The following DNAJC6 variants were observed in gnomAD, a reference collection of about 807,000 sequenced individuals.
DNAJC6 encodes the protein auxilin.
A neutral mutation model predicts 110.0 loss-of-function variants in DNAJC6; 34 were observed. The observed-to-expected ratio is 0.31, with a 90% confidence interval of 0.24 to 0.41. DNAJC6 has a LOEUF of 0.41. Ranked by LOEUF, DNAJC6 falls within the 10% of genes least tolerant of loss-of-function variation. The probability of loss-of-function intolerance (pLI) is 1.00; values close to 1 mark genes in which losing one functional copy is unlikely to be tolerated. For synonymous variants in DNAJC6, 406 were observed against 437.2 expected, an observed-to-expected ratio of 0.93 and a Z score of 0.89; for missense variants, 1,031 against 1,207.8, an observed-to-expected ratio of 0.85 and a Z score of 2.17.
intron 1 of DNAJC6, among the ~76,000 whole-genome samples, chr1:65,319,018 C>T (rs1021136253): frequency 2.6e-5 from 4 of 152,122 alleles, no homozygotes; most frequent in South Asian, 4.1e-4. Flanking sequence ...TGAGAAACAA[C>T]GAAGGCCCTA....
At position 65,365,906 on chromosome 1, in the gene DNAJC6, C is replaced by T. The variant is rs371584131; in HGVS notation, c.366C>T (p.Asp122=). 1 of 1,613,414 alleles carries T rather than the reference C, an allele frequency of 6.2e-7. No individual in the cohort carries two copies. The highest frequency in any genetic ancestry group is 1.3e-5 in the African/African-American group (1 of 74,880). Residue 122 remains aspartate (D), a synonymous_variant, in exon 3 of 19, where the codon GAC becomes GAT. Coordinates refer to ENST00000371069, the MANE Select transcript of DNAJC6 (RefSeq NM_001256864.2). ...SVTSYTKGDL[D]FTYVTSRIIV... Reference sequence around the variant, plus strand: ...TTAGCTACACAAAGGGAGATTTAGACTTCACTTATGTTACCTCCAGAATTA... The same window carrying T: ...TTAGCTACACAAAGGGAGATTTAGATTTCACTTATGTTACCTCCAGAATTA...
intron 1 of DNAJC6, among the ~76,000 whole-genome samples, chr1:65,358,808 AAC>A (rs1570322403): frequency 2.0e-5 from 3 of 152,298 alleles, no homozygotes; most frequent in East Asian, 3.9e-4. Context: ...TGCCATGGTA[AAC>A]ACTATCTTGA....
At chr1:65,375,318 G>A (rs1008076666) in intron 4 of DNAJC6, among the ~76,000 whole-genome samples, 2 of 151,818 alleles carry the variant, frequency 1.3e-5, no homozygotes, top group Non-Finnish European at 2.9e-5. Context: ...TACTTTTTCA[G>A]CATCTATTGA....
rs184362330 is a variant in DNAJC6 at position 65,357,984 on chromosome 1, G to A, written c.194-6651G>A. ...ACTTTAGGTCAGGACTTCAAGACCA[G>A]CCTCACCAACATGGCGAAACCCCAT... On this transcript the variant is annotated intron_variant, in intron 1 of 18. Coordinates refer to ENST00000371069, the MANE Select transcript of DNAJC6 (RefSeq NM_001256864.2). Among the ~76,000 whole-genome samples the A allele has an allele frequency of 1.6e-3, 242 of 152,076 alleles. 1 individual carries two copies. The highest frequency in any genetic ancestry group is 5.7e-3 in the African/African-American group (236 of 41,514).
intron 7 of DNAJC6, 142 bp downstream of exon 7, chr1:65,386,048 A>G (rs967058232): frequency 1.5e-5 from 13 of 892,432 alleles, no homozygotes; most frequent in Middle Eastern, 3.4e-4. Context: ...CATCAGTGGT[A>G]ATCATAGAAA....
chr1:65,305,251 A>G (rs1057060049), upstream of DNAJC6, among the ~76,000 whole-genome samples: 1 of 152,246 alleles, frequency 6.6e-6, no homozygotes, highest in Non-Finnish European at 1.5e-5. Context: ...AGTGTATAGG[A>G]CATTCATAAT....
rs1345172425 is a variant in DNAJC6 at position 65,412,984 on chromosome 1, T to C, written c.2872T>C (p.Trp958Arg). ...GATTTTCATGGAGCTCAATGATGCC[T>C]GGTCTGAATTTGAAAACCAAGGCCA... ...KMIFMELNDA[W>R]SEFENQGQKP... The change falls in exon 19 of 19, where the codon TGG (tryptophan) becomes CGG (arginine). Residue 958 changes from tryptophan to arginine, a missense_variant. By Grantham distance (101) the Trp-to-Arg change is moderately radical. Transcript: ENST00000371069. 9 of 1,614,160 alleles carry C rather than the reference T, an allele frequency of 5.6e-6. No homozygotes were observed. Among genetic ancestry groups the C allele is most frequent in the Non-Finnish European group, 7.6e-6 (9 of 1,180,012 alleles).
rs767759968 is a variant in DNAJC6, at chr1:65,392,763, G to T, written c.1801G>T (p.Val601Leu). The T allele has an allele frequency of 6.2e-7, 1 of 1,612,150 alleles. No homozygotes were observed. Among genetic ancestry groups the T allele is most frequent in the South Asian group, 1.1e-5 (1 of 90,694 alleles). ...AGPTQAGQSG[V>L]EDVFHPSGPA... Reference sequence around the variant, plus strand: ...TCCCACCCAGGCTGGACAGTCAGGAGTGGAAGATGTGTTTCATCCTAGTGG... The same window carrying T: ...TCCCACCCAGGCTGGACAGTCAGGATTGGAAGATGTGTTTCATCCTAGTGG... Residue 601 changes from valine (V) to leucine (L), a missense_variant, in exon 12 of 19, where the codon GTG becomes TTG. Transcript: ENST00000371069.
In DNAJC6 at chr1:65,392,503, A is replaced by G. The variant is rs761459753; in HGVS notation, c.1541A>G (p.Asp514Gly). The change falls in exon 12 of 19, where the codon GAT becomes GGT. Residue 514 changes from aspartate (D) to glycine (G), a missense_variant. Transcript: ENST00000371069. ...GTGAATCAGGAAAGTGAGCAATCAG[A>G]TGATGAACTTCTGACACTTTCCAGT... is the stretch of plus-strand genomic sequence containing the variant. Reference protein sequence around the residue: ...ALVNQESEQSDDELLTLSSPH... With the variant: ...ALVNQESEQSGDELLTLSSPH... 8 of 1,613,924 alleles carry G rather than the reference A, an allele frequency of 5.0e-6. No individual in the cohort carries two copies. Among genetic ancestry groups the G allele is most frequent in the East Asian group, 2.2e-5 (1 of 44,892 alleles).
At chr1:65,375,340 A>G (rs971686586) in intron 4 of DNAJC6, among the ~76,000 whole-genome samples, 2 of 151,208 alleles carry the variant, frequency 1.3e-5, no homozygotes, top group African/African-American at 2.4e-5. Flanking sequence ...ATAATCACGT[A>G]TTTTTTGTTC....
intron 13 of DNAJC6, among the ~76,000 whole-genome samples, chr1:65,397,761 G>GGTTACTGTGT: frequency 6.6e-6 from 1 of 151,976 alleles, no homozygotes; most frequent in Non-Finnish European, 1.5e-5. Context: ...AAAATAGAAG[G>GGTTACTGTGT]GATAAATAGA....
rs145824790 is a variant in DNAJC6 at position 65,336,500 on chromosome 1, G to A, written c.193+26562G>A. Reference sequence around the variant, plus strand: ...CAAATATACAAAAAAGTAAAAAGGGGAAACACAGGTAGAAACCAGAAACCC... The same window carrying A: ...CAAATATACAAAAAAGTAAAAAGGGAAAACACAGGTAGAAACCAGAAACCC... On this transcript the variant is annotated intron_variant, in intron 1 of 18. Transcript: ENST00000371069. 1.8e-4 allele frequency among the ~76,000 whole-genome samples: 28 copies of A among 152,188 alleles called. No individual in the cohort carries two copies. The East Asian group carries it at 4.8e-3, about 26-fold the overall frequency.
chr1:65,412,666 C>T (rs1164940069), intron 18 of DNAJC6, among the ~76,000 whole-genome samples: 7 of 152,088 alleles, frequency 4.6e-5, no homozygotes, highest in Admixed American at 3.3e-4. Context: ...AACAGAGATA[C>T]GTCTTGTGCT....
chr1:65,397,616 A>G (rs1378655709), intron 13 of DNAJC6, among the ~76,000 whole-genome samples: 1 of 152,166 alleles, frequency 6.6e-6, no homozygotes, highest in Non-Finnish European at 1.5e-5. Context: ...TTGATTAGCA[A>G]CAGGGTTGAA....
intron 1 of DNAJC6, among the ~76,000 whole-genome samples, chr1:65,299,423 G>A (rs1001572076): frequency 6.6e-6 from 1 of 152,190 alleles, no homozygotes; most frequent in African/African-American, 2.4e-5. Context: ...TGGTAACAGA[G>A]TCAGGGGTCC....
At chr1:65,376,864 G>T (rs1018403193) in intron 4 of DNAJC6, among the ~76,000 whole-genome samples, 1 of 152,162 alleles carries the variant, frequency 6.6e-6, no homozygotes, top group African/African-American at 2.4e-5. Context: ...CCACCTCCCA[G>T]GTTCAAGTGA....
intron 1 of DNAJC6, among the ~76,000 whole-genome samples, chr1:65,344,377 C>T (rs976090407): frequency 5.9e-5 from 9 of 152,140 alleles, no homozygotes; most frequent in African/African-American, 1.9e-4. Context: ...TTGCATCACA[C>T]CCTTGAGCAT....
At chr1:65,294,143 C>T (rs974602999) in intron 1 of DNAJC6, among the ~76,000 whole-genome samples, 1 of 152,100 alleles carries the variant, frequency 6.6e-6, no homozygotes, top group African/African-American at 2.4e-5. Flanking sequence ...TCAGCAATAC[C>T]CATTTTTCTC....
At chr1:65,361,755 G>A (rs1010647814) in intron 1 of DNAJC6, among the ~76,000 whole-genome samples, 1 of 152,202 alleles carries the variant, frequency 6.6e-6, no homozygotes, top group South Asian at 2.1e-4. Context: ...GATATATGAA[G>A]TGTACATACC....
Sources: gnomAD v4.1 joint callset for allele counts (sites outside exome capture counted in the v4.1 genomes callset) on GRCh38, gnomAD v4.1.1 for gene constraint, MANE v1.5 for transcripts, NCBI Gene and HGNC (gene_info 2026-07-23, HGNC 2026-07-21) for gene names.